The following ATP10D variants were observed in gnomAD, a reference collection of about 807,000 sequenced individuals.
ATP10D encodes the protein phospholipid-transporting ATPase VD.
A neutral mutation model predicts 144.8 loss-of-function variants in ATP10D; 89 were observed. The observed-to-expected ratio is 0.61, with a 90% CI of 0.52 to 0.73. ATP10D has a LOEUF of 0.73. Among genes scored for constraint, ATP10D ranks in the 30% least tolerant of loss-of-function variants. The pLI is 0.00. For synonymous variants in ATP10D, 571 were observed against 615.1 expected, an observed-to-expected ratio of 0.93 and a Z score of 1.06; for missense variants, 1,603 against 1,714.8, an observed-to-expected ratio of 0.93 and a Z score of 1.15.
chr4:47,489,278 CA>C (rs753359792), intron 1 of ATP10D, among the ~76,000 whole-genome samples: 13 of 152,052 alleles, frequency 8.5e-5, no homozygotes, highest in South Asian at 4.1e-4. Context: ...CAAAATGTAT[CA>C]TTTTGTTGGG....
At chr4:47,490,380 C>T (rs1472022774) in intron 1 of ATP10D, among the ~76,000 whole-genome samples, 6 of 152,140 alleles carry the variant, frequency 3.9e-5, no homozygotes, top group East Asian at 1.9e-4. Context: ...TTTAAGATCC[C>T]TAAGCCAAGG....
At chr4:47,508,558 A>G (rs1318872533) in intron 1 of ATP10D, among the ~76,000 whole-genome samples, 6 of 152,258 alleles carry the variant, frequency 3.9e-5, no homozygotes, top group Non-Finnish European at 5.9e-5. Flanking sequence ...AGAGTAGAAG[A>G]AATGTGATTT....
chr4:47,508,707 G>C (rs1231590223), intron 1 of ATP10D, among the ~76,000 whole-genome samples: 2 of 152,168 alleles, frequency 1.3e-5, no homozygotes, highest in African/African-American at 4.8e-5. Context: ...ATTCTTTTAA[G>C]AAAAACCAAT....
At chr4:47,508,803 CA>C (rs1304815493) in intron 1 of ATP10D, among the ~76,000 whole-genome samples, 10 of 152,210 alleles carry the variant, frequency 6.6e-5, no homozygotes, top group African/African-American at 2.4e-4. Flanking sequence ...GTTTATAAAA[CA>C]AAACCATGTG....
chr4:47,556,036 G>A (rs531587028), intron 11 of ATP10D, among the ~76,000 whole-genome samples: 5 of 152,336 alleles, frequency 3.3e-5, no homozygotes, highest in African/African-American at 1.2e-4. Flanking sequence ...TTACAGGCAT[G>A]AGCCACCACA....
At position 47,587,161 on chromosome 4, in the gene ATP10D, T is replaced by C; in HGVS notation, c.3896T>C (p.Phe1299Ser). ...IMQEHMLDPV[F>S]YLVCILTTSI... ...CAGGAGCACATGCTGGATCCAGTAT[T>C]CTACTTAGTTTGTATCCTCACGACG... Residue 1299 changes from phenylalanine (F) to serine (S), a missense_variant, in exon 22 of 23, where the codon TTC becomes TCC. Phe to Ser is a radical substitution (Grantham distance 155). Coordinates refer to ENST00000273859, the MANE Select transcript of ATP10D (RefSeq NM_020453.4). The C allele has an allele frequency of 6.2e-7, 1 of 1,614,060 alleles. No individual in the cohort carries two copies. The highest frequency in any genetic ancestry group is 8.5e-7 in the Non-Finnish European group (1 of 1,179,932).
intron 3 of ATP10D, among the ~76,000 whole-genome samples, chr4:47,520,426 C>G (rs2109407569): frequency 6.6e-6 from 1 of 152,246 alleles, no homozygotes; most frequent in South Asian, 2.1e-4. Context: ...ATTGGCTTCT[C>G]CCCTGCATCC....
chr4:47,588,420 C>T (rs768397907), intron 22 of ATP10D, among the ~76,000 whole-genome samples: 3 of 152,176 alleles, frequency 2.0e-5, no homozygotes, highest in Non-Finnish European at 4.4e-5. Context: ...ATTTGGCCTA[C>T]TGTCTGATTT....
In ATP10D at chr4:47,569,100, G is replaced by T. The variant is rs1295541485; in HGVS notation, c.3117G>T (p.Val1039=). 3.7e-6 allele frequency: 6 copies of T among 1,613,926 alleles called. No individual in the cohort carries two copies. ...CCACACCGCTGCAGAAAAGTGAAGT[G>T]GTGAAATTGGTCCGCAGCCATCTCC... is the stretch of plus-strand genomic sequence containing the variant. ...CRATPLQKSE[V]VKLVRSHLQV... is the part of the protein sequence containing the mutation. Residue 1039 remains valine (V), a synonymous_variant, in exon 16 of 23, where the codon GTG becomes GTT. Coordinates refer to ENST00000273859, the MANE Select transcript of ATP10D (RefSeq NM_020453.4).
At chr4:47,511,751 T>C (rs1716339092) in intron 1 of ATP10D, among the ~76,000 whole-genome samples, 1 of 152,236 alleles carries the variant, frequency 6.6e-6, no homozygotes, top group Non-Finnish European at 1.5e-5. Flanking sequence ...TTGTGCCTTC[T>C]GGGCACACTC....
rs1022360811 is a variant in ATP10D, at chr4:47,523,317, T to C, written c.690+101T>C. On this transcript the variant is annotated intron_variant, in intron 4 of 22. Transcript: ENST00000273859. The stretch of plus-strand genomic sequence containing the variant: ...AGATAAAGAGATTTTTAATTCATTT[T>C]CACCAGGATGAAATAGAATCCCAGA... 1.0e-5 allele frequency: 10 copies of C among 973,464 alleles called. No homozygotes were observed. The African/African-American group carries it at 1.5e-4, about 14-fold the overall frequency. The allele number at this position is 973,464 out of a possible 1,614,324, so 60.3% of individuals were successfully genotyped here. A position where few individuals can be genotyped will look rare whatever the true frequency, so the allele number is the denominator to read the frequency against.
chr4:47,554,845 C>G lies in ATP10D; in HGVS notation c.1755C>G (p.Ile585Met). 2 of 1,614,076 alleles carry G rather than the reference C, an allele frequency of 1.2e-6. No individual in the cohort carries two copies. Among genetic ancestry groups the G allele is most frequent in the South Asian group, 2.2e-5 (2 of 91,076 alleles). The part of the protein sequence containing the change: ...QNPPMETLYI[I>M]DFFIALAICN... ...CACCAATGGAAACTTTGTACATTAT[C>G]GACTTTTTCATTGCATTGGCAATTT... is the stretch of plus-strand genomic sequence containing the variant. The change falls in exon 11 of 23, where the codon ATC (isoleucine) becomes ATG (methionine). Residue 585 changes from isoleucine to methionine, a missense_variant. Transcript: ENST00000273859.
At chr4:47,495,805 T>G (rs1297877596) in intron 1 of ATP10D, among the ~76,000 whole-genome samples, 1 of 151,822 alleles carries the variant, frequency 6.6e-6, no homozygotes, top group East Asian at 1.9e-4. Flanking sequence ...TGGTGCAATC[T>G]CGGCTCACTG....
chr4:47,575,389 G>T (rs554249370), intron 18 of ATP10D, among the ~76,000 whole-genome samples: 2 of 152,230 alleles, frequency 1.3e-5, no homozygotes, highest in Admixed American at 1.3e-4. Flanking sequence ...GAATGCCTGT[G>T]CCTGGACTCT....
intron 9 of ATP10D, among the ~76,000 whole-genome samples, chr4:47,542,348 C>T (rs1245931279): frequency 3.3e-5 from 5 of 152,052 alleles, no homozygotes; most frequent in South Asian, 2.1e-4. Flanking sequence ...CTGCCAGCCT[C>T]GGCCTCCCAA....
In ATP10D at chr4:47,568,858, A is replaced by T; in HGVS notation, c.2875A>T (p.Ser959Cys). 1 of 1,614,018 alleles carries T rather than the reference A, an allele frequency of 6.2e-7. No homozygotes were observed. Among genetic ancestry groups the T allele is most frequent in the Non-Finnish European group, 8.5e-7 (1 of 1,179,936 alleles). ...QSKDACGMLM[S>C]TILKELQKKT... is the part of the protein sequence containing the mutation. ...CAAGGATGCCTGTGGGATGCTGATG[A>T]GCACAATTTTGAAAGAACTTCAGAA... is the stretch of plus-strand genomic sequence containing the variant. Residue 959 changes from serine (S) to cysteine (C), a missense_variant, in exon 16 of 23, where the codon AGC (serine) becomes TGC (cysteine). Ser to Cys is a moderately radical substitution (Grantham distance 112). Transcript: ENST00000273859.
At chr4:47,584,396 G>T (rs1720682438) in intron 21 of ATP10D, among the ~76,000 whole-genome samples, 1 of 151,876 alleles carries the variant, frequency 6.6e-6, no homozygotes, top group South Asian at 2.1e-4. Flanking sequence ...TGTTTTTGTT[G>T]TTGTTGTTGT....
chr4:47,533,544 T>C (rs530486790), intron 5 of ATP10D, among the ~76,000 whole-genome samples: 39 of 152,298 alleles, frequency 2.6e-4, no homozygotes, highest in Admixed American at 5.9e-4. Flanking sequence ...AACTTTTATA[T>C]ATGTAAGGAA....
At chr4:47,524,315 C>T (rs552594676) in intron 4 of ATP10D, among the ~76,000 whole-genome samples, 1 of 152,164 alleles carries the variant, frequency 6.6e-6, no homozygotes, top group East Asian at 1.9e-4. Flanking sequence ...CTACTAATAC[C>T]TTTATCTTTG....
Sources: gnomAD v4.1 joint callset for allele counts (sites outside exome capture counted in the v4.1 genomes callset) on GRCh38, gnomAD v4.1.1 for gene constraint, MANE v1.5 for transcripts, NCBI Gene and HGNC (gene_info 2026-07-23, HGNC 2026-07-21) for gene names.